RASGEF1C: variants seen among roughly 807,000 people sequenced by gnomAD.
The protein encoded by RASGEF1C is ras-GEF domain-containing family member 1C.
Under a neutral mutation model 58.1 loss-of-function variants are expected in RASGEF1C, and 27 were observed. The observed-to-expected ratio is 0.46, with a 90% CI of 0.34 to 0.64. The LOEUF (loss-of-function observed/expected upper bound fraction) is 0.64, where lower values mean the gene tolerates loss of function less well. Ranked by LOEUF, RASGEF1C falls within the 30% of genes least tolerant of loss-of-function variation. The pLI is 0.01. For synonymous variants in RASGEF1C, 243 were observed against 246.3 expected, an observed-to-expected ratio of 0.99 and a Z score of 0.13; for missense variants, 502 against 605.1, an observed-to-expected ratio of 0.83 and a Z score of 1.79.
chr5:180,169,518 T>C (rs1283825950), intron 1 of RASGEF1C, among the ~76,000 whole-genome samples: 1 of 149,458 alleles, frequency 6.7e-6, no homozygotes, highest in Non-Finnish European at 1.5e-5. Context: ...GGAAAGGTCC[T>C]CTGAGCAACA....
intron 1 of RASGEF1C, among the ~76,000 whole-genome samples, chr5:180,164,433 T>C (rs35060313): frequency 6.6e-6 from 1 of 152,208 alleles, no homozygotes; most frequent in African/African-American, 2.4e-5. Flanking sequence ...ATGTGATGTT[T>C]TGATATAAAT....
At chr5:180,199,337 A>T (rs1324574049) in intron 1 of RASGEF1C, among the ~76,000 whole-genome samples, 3 of 152,218 alleles carry the variant, frequency 2.0e-5, no homozygotes, top group Non-Finnish European at 4.4e-5. Context: ...AGGGATCAAA[A>T]AGACACGGCA....
At chr5:180,196,573 G>A (rs915117217) in intron 1 of RASGEF1C, among the ~76,000 whole-genome samples, 4 of 151,804 alleles carry the variant, frequency 2.6e-5, no homozygotes, top group Non-Finnish European at 5.9e-5. Context: ...TGTCAGTCTT[G>A]GTAAGTTACG....
intron 1 of RASGEF1C, among the ~76,000 whole-genome samples, chr5:180,171,142 G>A (rs527968524): frequency 6.6e-6 from 1 of 152,234 alleles, no homozygotes; most frequent in African/African-American, 2.4e-5. Flanking sequence ...TGGGACCCCC[G>A]AGGGCTTCAC....
chr5:180,105,521 C>T (rs1469554429), intron 12 of RASGEF1C, among the ~76,000 whole-genome samples: 1 of 150,882 alleles, frequency 6.6e-6, no homozygotes, highest in Non-Finnish European at 1.5e-5. Flanking sequence ...GCGACTGCGC[C>T]ACTGCACTCC....
chr5:180,205,827 G>T (rs1581134564), intron 1 of RASGEF1C, among the ~76,000 whole-genome samples: 1 of 151,972 alleles, frequency 6.6e-6, no homozygotes, highest in African/African-American at 2.4e-5. Context: ...CTGCCTCCCA[G>T]GTTCAGGCGA....
At chr5:180,136,968 C>T (rs1454458868) in intron 3 of RASGEF1C, among the ~76,000 whole-genome samples, 10 of 152,120 alleles carry the variant, frequency 6.6e-5, no homozygotes, top group Admixed American at 5.2e-4. Flanking sequence ...TCCACGTGAC[C>T]GGAAAGGGTG....
At chr5:180,103,180 C>A (rs1209595580) in intron 12 of RASGEF1C, among the ~76,000 whole-genome samples, 2 of 152,170 alleles carry the variant, frequency 1.3e-5, no homozygotes, top group African/African-American at 4.8e-5. Flanking sequence ...CGGGTTCACA[C>A]CATTCTCCTG....
chr5:180,196,233 C>T (rs1452169450), intron 1 of RASGEF1C, among the ~76,000 whole-genome samples: 1 of 151,562 alleles, frequency 6.6e-6, no homozygotes, highest in Non-Finnish European at 1.5e-5. Context: ...GGCTCAGTGG[C>T]TCACACCTGT....
intron 1 of RASGEF1C, among the ~76,000 whole-genome samples, chr5:180,205,189 A>AAAAT (rs925444129): frequency 6.6e-5 from 10 of 152,170 alleles, no homozygotes; most frequent in Admixed American, 3.3e-4. Flanking sequence ...ACTCCGTCTC[A>AAAAT]AAATAAATAA....
At chr5:180,107,614 A>AT (rs935222474) in intron 12 of RASGEF1C, among the ~76,000 whole-genome samples, 1 of 151,446 alleles carries the variant, frequency 6.6e-6, no homozygotes, top group Admixed American at 6.6e-5. Flanking sequence ...TTTTTTAATT[A>AT]TTTTTTTTCT....
At chr5:180,136,294 G>A (rs905092669) in intron 4 of RASGEF1C, 84 bp downstream of exon 4, 2 of 1,357,982 alleles carry the variant, frequency 1.5e-6, no homozygotes, top group East Asian at 5.1e-5. Context: ...GGGGAGATGA[G>A]GGCCCTGGGG....
rs533705130 is a variant in RASGEF1C at position 180,155,854 on chromosome 5, C to T, written c.-6-17796G>A. 1.3e-5 allele frequency among the ~76,000 whole-genome samples: 2 copies of T among 152,264 alleles called. No homozygotes were observed. Among genetic ancestry groups the T allele is most frequent in the South Asian group, 2.1e-4 (1 of 4,822 alleles). ...TGCCTTCCCTTCAGGAACTTCTCCC[C>T]GTTGGCTGAAGCCTGAGTCAGGGTG... On this transcript the variant is annotated intron_variant, in intron 1 of 13. Transcript: ENST00000361132. This position sits in a 1 kb window ranked among gnomAD's most constrained non-coding sequence, Gnocchi z 5.2.
intron 10 of RASGEF1C, among the ~76,000 whole-genome samples, chr5:180,117,465 T>TC (rs1274480613): frequency 1.3e-5 from 2 of 152,196 alleles, no homozygotes; most frequent in African/African-American, 4.8e-5. Flanking sequence ...AGGGACCTGA[T>TC]CCCACCAATG....
intron 6 of RASGEF1C, among the ~76,000 whole-genome samples, chr5:180,126,210 A>G (rs565176303): frequency 6.6e-6 from 1 of 152,318 alleles, no homozygotes; most frequent in Admixed American, 6.5e-5. Flanking sequence ...GATCGAGACC[A>G]TCATGGCTTA....
At position 180,155,436 on chromosome 5, in the gene RASGEF1C, C is replaced by A. The variant is rs1210799246; in HGVS notation, c.-6-17378G>T. Among the ~76,000 whole-genome samples the A allele has an allele frequency of 6.6e-6, 1 of 152,172 alleles. No homozygotes were observed. The highest frequency in any genetic ancestry group is 2.4e-5 in the African/African-American group (1 of 41,454). The stretch of plus-strand genomic sequence containing the variant: ...CTGCTTGCGGAGGCTGAGAATGCAC[C>A]TGGCCTTGCCTTCAGGAGGGCAACG... On this transcript the variant is annotated intron_variant, in intron 1 of 13. Transcript: ENST00000361132. This position sits in a 1 kb window ranked among gnomAD's most constrained non-coding sequence, Gnocchi z 5.2.
intron 1 of RASGEF1C, among the ~76,000 whole-genome samples, chr5:180,179,389 G>A (rs1373397340): frequency 6.6e-6 from 1 of 152,134 alleles, no homozygotes; most frequent in Non-Finnish European, 1.5e-5. Flanking sequence ...CAGCATTTCA[G>A]GAGAGAAGGG....
chr5:180,132,157 G>A (rs562392689), intron 4 of RASGEF1C, among the ~76,000 whole-genome samples: 1 of 152,222 alleles, frequency 6.6e-6, no homozygotes, highest in Non-Finnish European at 1.5e-5. Context: ...GGCCGTGCTG[G>A]GGTGGAGCAG....
chr5:180,192,665 A>G lies in RASGEF1C; in HGVS notation c.-7+16363T>C, dbSNP rs182451271. On this transcript the variant is annotated intron_variant, in intron 1 of 13. Coordinates refer to ENST00000361132, the MANE Select transcript of RASGEF1C (RefSeq NM_175062.4). Reference sequence around the variant, plus strand: ...GAGAATGTAAAATAAATAATTAGTAACTTATAGTGACTATACGTAGAAATG... The same window carrying G: ...GAGAATGTAAAATAAATAATTAGTAGCTTATAGTGACTATACGTAGAAATG... Among the ~76,000 whole-genome samples, 326 of 152,300 alleles carry G rather than the reference A, an allele frequency of 2.1e-3. 1 individual carries two copies. Among genetic ancestry groups the G allele is most frequent in the African/African-American group, 7.0e-3 (290 of 41,564 alleles).
Sources: allele counts gnomAD v4.1 joint callset (sites outside exome capture counted in the v4.1 genomes callset), GRCh38; gene constraint gnomAD v4.1.1; non-coding constraint Gnocchi (gnomAD v3.1); transcripts MANE v1.5; gene names NCBI Gene and HGNC (gene_info 2026-07-23, HGNC 2026-07-21).